TLN2: variants seen among roughly 807,000 people sequenced by gnomAD.
The protein encoded by TLN2 is talin-2.
Under a neutral mutation model 294.7 loss-of-function variants are expected in TLN2, and 118 were observed. The ratio of observed to expected loss-of-function variants is 0.40; its 90% CI spans 0.34 to 0.47. TLN2 has a LOEUF of 0.47. Among genes scored for constraint, TLN2 ranks in the 20% least tolerant of loss-of-function variants. TLN2 has a pLI of 0.84. For synonymous variants in TLN2, 1,431 were observed against 1,304.5 expected, an observed-to-expected ratio of 1.10 and a Z score of -2.09; for missense variants, 3,083 against 3,282.2, an observed-to-expected ratio of 0.94 and a Z score of 1.48.
intron 1 of TLN2, among the ~76,000 whole-genome samples, chr15:62,525,010 C>G (rs1377899335): frequency 6.6e-6 from 1 of 152,194 alleles, no homozygotes; most frequent in Non-Finnish European, 1.5e-5. Context: ...TGGAGCTCAT[C>G]CTCATAGTCA....
chr15:62,794,970 CAAAG>C (rs2065358350), intron 46 of TLN2, among the ~76,000 whole-genome samples: 1 of 152,184 alleles, frequency 6.6e-6, no homozygotes, highest in South Asian at 2.1e-4. Flanking sequence ...TACAAAGACT[CAAAG>C]AGCCTCCAGC....
chr15:62,610,628 G>A (rs2047838548), intron 2 of TLN2, among the ~76,000 whole-genome samples: 2 of 152,336 alleles, frequency 1.3e-5, no homozygotes, highest in East Asian at 3.9e-4. Context: ...AATAAACTGT[G>A]AAACGGAGAC....
intron 54 of TLN2, among the ~76,000 whole-genome samples, chr15:62,822,598 A>T (rs1210061965): frequency 1.3e-5 from 2 of 152,234 alleles, no homozygotes; most frequent in Non-Finnish European, 2.9e-5. Flanking sequence ...TGGCAGTTTC[A>T]GTCCATACCA....
chr15:62,557,930 G>C (rs1013049872), intron 1 of TLN2, among the ~76,000 whole-genome samples: 7 of 152,218 alleles, frequency 4.6e-5, no homozygotes, highest in Non-Finnish European at 8.8e-5. Context: ...TTTTGCGCCA[G>C]TGGTTCTTGG....
chr15:62,656,604 T>C (rs920106632), intron 8 of TLN2, among the ~76,000 whole-genome samples: 1 of 152,152 alleles, frequency 6.6e-6, no homozygotes, highest in Non-Finnish European at 1.5e-5. Flanking sequence ...TCCCCAAGGT[T>C]TCTTGTGGCT....
At chr15:62,789,322 T>C (rs1275779510) in intron 45 of TLN2, among the ~76,000 whole-genome samples, 1 of 152,204 alleles carries the variant, frequency 6.6e-6, no homozygotes, top group Non-Finnish European at 1.5e-5. Flanking sequence ...TTTGCAGCTG[T>C]TGCCTCACTT....
chr15:62,562,708 C>G lies in TLN2; in HGVS notation c.-237-26979C>G, dbSNP rs577668432. Among the ~76,000 whole-genome samples, 89 of 152,110 alleles carry G rather than the reference C, an allele frequency of 5.9e-4. 1 individual carries two copies. The highest frequency in any genetic ancestry group is 2.1e-3 in the African/African-American group (87 of 41,484). On this transcript the variant is annotated intron_variant, in intron 1 of 58. Coordinates refer to ENST00000636159, the MANE Select transcript of TLN2 (RefSeq NM_015059.3). ...TCCCTCACCCACTTCCCACCCTTTC[C>G]CCTCAAGTCCCCAGAGTCCATTGTA...
intron 45 of TLN2, among the ~76,000 whole-genome samples, chr15:62,787,498 A>C (rs1385780650): frequency 2.0e-5 from 3 of 152,174 alleles, no homozygotes; most frequent in Non-Finnish European, 4.4e-5. Context: ...CGACAAAAAA[A>C]GAATTGAGGG....
chr15:62,770,433 G>GA (rs1232773675), intron 41 of TLN2, among the ~76,000 whole-genome samples: 1 of 152,230 alleles, frequency 6.6e-6, no homozygotes, highest in Non-Finnish European at 1.5e-5. Context: ...CAAGTTGGGC[G>GA]AATCATAAAC....
intron 54 of TLN2, among the ~76,000 whole-genome samples, chr15:62,821,827 C>T (rs146959160): frequency 3.2e-4 from 48 of 152,268 alleles, no homozygotes; most frequent in African/African-American, 1.1e-3. Context: ...TTTCTGGTTA[C>T]GCCTTTGTTT....
intron 1 of TLN2, among the ~76,000 whole-genome samples, chr15:62,432,147 T>C (rs1046842973): frequency 6.6e-5 from 10 of 152,232 alleles, no homozygotes; most frequent in African/African-American, 2.4e-4. Context: ...TACTTTTTAT[T>C]AGTGTATCTT....
Position 62,647,419 on chromosome 15 carries a change from C to T in TLN2, c.109C>T (p.Arg37Trp), listed in dbSNP as rs62004575. 19 of 1,614,104 alleles carry T rather than the reference C, an allele frequency of 1.2e-5. No individual in the cohort carries two copies. Among genetic ancestry groups the T allele is most frequent in the African/African-American group, 2.7e-5 (2 of 74,948 alleles). The change falls in exon 4 of 59, where the codon CGG becomes TGG. Residue 37 changes from arginine to tryptophan, a missense_variant. Physicochemically the swap from Arg to Trp is moderately radical, Grantham distance 101. Coordinates refer to ENST00000636159, the MANE Select transcript of TLN2 (RefSeq NM_015059.3). ...CGATGCGTGTCGAGTCATTCGGGAA[C>T]GGGTGCCTGAGGCACAAACTGGGCA... The part of the protein sequence containing the change: ...VYDACRVIRE[R>W]VPEAQTGQAS...
At chr15:62,424,527 C>T (rs1288006286) in intron 1 of TLN2, among the ~76,000 whole-genome samples, 1 of 152,228 alleles carries the variant, frequency 6.6e-6, no homozygotes, top group East Asian at 1.9e-4. Flanking sequence ...GGGACTAGAC[C>T]AAGCGTCTTG....
chr15:62,813,817 C>CT (rs56933837), intron 52 of TLN2, among the ~76,000 whole-genome samples: 5,122 of 144,100 alleles, frequency 0.036, 111 homozygotes, highest in Middle Eastern at 0.11. Context: ...TGCATATGGG[C>CT]TTTTTTTTTT....
chr15:62,762,347 G>T lies in TLN2; in HGVS notation c.4855G>T (p.Ala1619Ser). The T allele has an allele frequency of 1.9e-6, 3 of 1,614,158 alleles. No homozygotes were observed. Among genetic ancestry groups the T allele is most frequent in the Non-Finnish European group, 2.5e-6 (3 of 1,180,030 alleles). The change falls in exon 39 of 59, where the codon GCA becomes TCA. Residue 1619 changes from alanine to serine, a missense_variant. By Grantham distance (99) the Ala-to-Ser change is moderately conservative. Coordinates refer to ENST00000636159, the MANE Select transcript of TLN2 (RefSeq NM_015059.3). ...GAGTTCATCGTACCTCATTCGCACT[G>T]CACGCTCTCTGGCCATCAACCCCAA... is the stretch of plus-strand genomic sequence containing the variant. ...LESSSYLIRT[A>S]RSLAINPKDP...
At chr15:62,740,823 T>A (rs1231167959) in intron 32 of TLN2, 54 bp downstream of exon 32, 3 of 1,603,806 alleles carry the variant, frequency 1.9e-6, no homozygotes, top group African/African-American at 2.7e-5. Context: ...GTCATTGCAG[T>A]CTGAAGATGT....
intron 11 of TLN2, among the ~76,000 whole-genome samples, chr15:62,684,681 G>A (rs1239778709): frequency 6.6e-6 from 1 of 151,974 alleles, no homozygotes; most frequent in Non-Finnish European, 1.5e-5. Context: ...GCTTCCACCA[G>A]AAGACAGTAA....
At chr15:62,518,597 T>G (rs1022332387) in intron 1 of TLN2, among the ~76,000 whole-genome samples, 10 of 152,050 alleles carry the variant, frequency 6.6e-5, no homozygotes, top group African/African-American at 2.4e-4. Flanking sequence ...CTGCAATGTT[T>G]TTTTTGTTTG....
intron 42 of TLN2, among the ~76,000 whole-genome samples, chr15:62,774,415 G>T (rs150823131): frequency 2.0e-5 from 3 of 152,172 alleles, no homozygotes; most frequent in African/African-American, 7.2e-5. Context: ...TGAGATTGCT[G>T]TCGGTGGTTT....
Sources: allele counts gnomAD v4.1 joint callset (sites outside exome capture counted in the v4.1 genomes callset), GRCh38; gene constraint gnomAD v4.1.1; transcripts MANE v1.5; gene names NCBI Gene and HGNC (gene_info 2026-07-23, HGNC 2026-07-21).